Variants in ZNF654 observed in about 807,000 individuals in gnomAD.
ZNF654 encodes the protein zinc finger protein 654.
ZNF654 carries 19 observed loss-of-function variants against 95.3 expected under a neutral mutation model. The observed-to-expected ratio is 0.20, with a 90% CI of 0.14 to 0.29. ZNF654 has a LOEUF of 0.29. Ranked by LOEUF, ZNF654 falls within the 10% of genes least tolerant of loss-of-function variation. ZNF654 has a pLI of 1.00. For synonymous variants in ZNF654, 413 were observed against 457.9 expected (o/e 0.90, Z 1.25); for missense variants, 1,046 against 1,341.0 (o/e 0.78, Z 3.44).
chr3:88,143,867 T>C lies in ZNF654; in HGVS notation c.*2215T>C, dbSNP rs1707240100. ...CTCAAATAGCTATTGAAAGAATGTG[T>C]TCATTTTATTACATCTGTCTTTTAA... is the stretch of plus-strand genomic sequence containing the variant. On this transcript the variant is annotated 3_prime_UTR_variant, in exon 9 of 9. Coordinates refer to ENST00000636215, the MANE Select transcript of ZNF654 (RefSeq NM_001350134.2). 1 of 151,950 alleles carries C rather than the reference T, an allele frequency of 6.6e-6. No homozygotes were observed. The highest frequency in any genetic ancestry group is 2.4e-5 in the African/African-American group (1 of 41,430). 9.4% of individuals were successfully genotyped at this position (151,950 alleles called of 1,614,324 possible). A position where few individuals can be genotyped will look rare whatever the true frequency, so the allele number is the denominator to read the frequency against.
intron 2 of ZNF654, among the ~76,000 whole-genome samples, chr3:88,101,817 A>G (rs947128578): frequency 2.6e-5 from 4 of 152,028 alleles, no homozygotes; most frequent in Non-Finnish European, 5.9e-5. Context: ...TTACATCTTC[A>G]CTAATACTTT....
chr3:88,111,419 C>T (rs1486988098), intron 2 of ZNF654, among the ~76,000 whole-genome samples: 1 of 151,782 alleles, frequency 6.6e-6, no homozygotes, highest in African/African-American at 2.4e-5. Flanking sequence ...TGACCCCTCA[C>T]CTCCATTCCC....
At chr3:88,099,406 G>A (rs1704265015) in intron 2 of ZNF654, among the ~76,000 whole-genome samples, 1 of 152,134 alleles carries the variant, frequency 6.6e-6, no homozygotes, top group Non-Finnish European at 1.5e-5. Flanking sequence ...ACTGCCCAAG[G>A]TAATTTATAG....
chr3:88,080,734 G>A (rs1453969115), intron 1 of ZNF654, among the ~76,000 whole-genome samples: 1 of 152,294 alleles, frequency 6.6e-6, no homozygotes, highest in South Asian at 2.1e-4. Context: ...AAAAGTAAAT[G>A]TAGAAATCTG....
chr3:88,109,096 G>C (rs1704923152), intron 2 of ZNF654, among the ~76,000 whole-genome samples: 1 of 151,836 alleles, frequency 6.6e-6, no homozygotes, highest in African/African-American at 2.4e-5. Context: ...CATCCAGTGG[G>C]AGGGAAGGGG....
chr3:88,126,091 A>T, intron 3 of ZNF654, 43 bp from the exon 4 acceptor site: 1 of 1,415,068 alleles, frequency 7.1e-7, no homozygotes, highest in Non-Finnish European at 9.2e-7. Flanking sequence ...TTAGTTTTTA[A>T]CCCCTTTAAA....
At chr3:88,074,343 A>G (rs1205675992) in intron 1 of ZNF654, among the ~76,000 whole-genome samples, 1 of 53,908 alleles carries the variant, frequency 1.9e-5, no homozygotes, top group African/African-American at 4.3e-5. Flanking sequence ...TTTATATCTT[A>G]CTTTTTTTTT....
rs1166935980 is a variant in ZNF654 at position 88,070,796 on chromosome 3, G to A, written c.186+11291G>A. 9.2e-5 allele frequency among the ~76,000 whole-genome samples: 14 copies of A among 151,950 alleles called. No homozygotes were observed. The South Asian group carries it at 1.9e-3, about 20-fold the overall frequency. ...CTGTGAAATAAGTACTGTTTTTATC[G>A]TCATTTTATGAATGATGCAGCTGAG... On this transcript the variant is annotated intron_variant, in intron 1 of 8. Coordinates refer to ENST00000636215, the MANE Select transcript of ZNF654 (RefSeq NM_001350134.2).
At position 88,140,155 on chromosome 3, in the gene ZNF654, C is replaced by T; in HGVS notation, c.2486C>T (p.Pro829Leu). Residue 829 changes from proline to leucine, a missense_variant, in exon 8 of 9, where the codon CCG becomes CTG. Around this residue, in one of 9 missense-constraint regions of ZNF654, gnomAD observed 495 missense variants for 537.0 expected, o/e 0.92. Coordinates refer to ENST00000636215, the MANE Select transcript of ZNF654 (RefSeq NM_001350134.2). ...HFNCNESFKL[P>L]FQLAQHTKSH... Reference sequence around the variant, plus strand: ...AATTGCAACGAGTCGTTTAAGCTGCCGTTCCAGCTTGCCCAGCACACAAAA... The same window carrying T: ...AATTGCAACGAGTCGTTTAAGCTGCTGTTCCAGCTTGCCCAGCACACAAAA... 11 of 1,613,840 alleles carry T rather than the reference C, an allele frequency of 6.8e-6. No individual in the cohort carries two copies. Among genetic ancestry groups the T allele is most frequent in the Non-Finnish European group, 9.3e-6 (11 of 1,179,770 alleles).
intron 2 of ZNF654, among the ~76,000 whole-genome samples, chr3:88,103,474 A>G (rs1417300128): frequency 6.6e-6 from 1 of 152,216 alleles, no homozygotes; most frequent in Admixed American, 6.5e-5. Context: ...AGAGTGTCTA[A>G]GAATTTAGGA....
chr3:88,093,919 C>G (rs112693834), intron 2 of ZNF654, among the ~76,000 whole-genome samples: 1,581 of 152,238 alleles, frequency 0.01, 22 homozygotes, highest in African/African-American at 0.036. Context: ...TTGCCCATCT[C>G]CACAGCATCT....
chr3:88,063,815 T>G (rs13098157), intron 1 of ZNF654, among the ~76,000 whole-genome samples: 118,976 of 151,880 alleles, frequency 0.78, 47,524 homozygotes, highest in South Asian at 0.91. Context: ...TCTTTCTTAC[T>G]AGTCATCCTT....
intron 7 of ZNF654, among the ~76,000 whole-genome samples, chr3:88,136,969 C>T (rs1187776363): frequency 6.6e-6 from 1 of 151,896 alleles, no homozygotes; most frequent in Non-Finnish European, 1.5e-5. Flanking sequence ...CCGAGGTGGG[C>T]AGATCACTTG....
At chr3:88,135,379 G>A in intron 7 of ZNF654, 177 bp downstream of exon 7, 1 of 408,930 alleles carries the variant, frequency 2.4e-6, no homozygotes, top group Non-Finnish European at 4.2e-6. Flanking sequence ...AACATGGGAG[G>A]CTGATTTATT....
At chr3:88,079,913 C>T (rs143408417) in intron 1 of ZNF654, among the ~76,000 whole-genome samples, 37 of 151,984 alleles carry the variant, frequency 2.4e-4, no homozygotes, top group African/African-American at 8.7e-4. Context: ...AGATTTCACA[C>T]AAGTTTTAAC....
At chr3:88,114,900 T>A (rs1479391740) in intron 3 of ZNF654, among the ~76,000 whole-genome samples, 1 of 152,210 alleles carries the variant, frequency 6.6e-6, no homozygotes, top group Non-Finnish European at 1.5e-5. Context: ...TGACCAATAG[T>A]GATAAGTGAC....
intron 1 of ZNF654, among the ~76,000 whole-genome samples, chr3:88,071,285 G>A (rs1485833572): frequency 2.0e-5 from 3 of 152,072 alleles, no homozygotes; most frequent in Admixed American, 2.0e-4. Context: ...CAAGGTGGGC[G>A]GATCACCTGA....
chr3:88,077,056 C>A (rs1559694194), intron 1 of ZNF654, among the ~76,000 whole-genome samples: 1 of 152,126 alleles, frequency 6.6e-6, no homozygotes, highest in Non-Finnish European at 1.5e-5. Flanking sequence ...CATCCTCTCA[C>A]TGGTATTTTT....
In ZNF654 at chr3:88,140,527, T is replaced by C. The variant is rs1559738522; in HGVS notation, c.2858T>C (p.Ile953Thr). Residue 953 changes from isoleucine (I) to threonine (T), a missense_variant, in exon 8 of 9, where the codon ATA becomes ACA. Ile to Thr is a moderately conservative substitution (Grantham distance 89, BLOSUM62 -1). This residue lies in a region of ZNF654 where 495 missense variants were observed against 537.0 expected (regional missense o/e 0.92). Transcript: ENST00000636215. Reference sequence around the variant, plus strand: ...CGTTCTGATGACACTGTTTCAAATATAAGCTTGATAGACCAAAAGATGCCT... The same window carrying C: ...CGTTCTGATGACACTGTTTCAAATACAAGCTTGATAGACCAAAAGATGCCT... ...NERSDDTVSN[I>T]SLIDQKMPDI... 2.5e-6 allele frequency: 4 copies of C among 1,613,698 alleles called. No individual in the cohort carries two copies. The African/African-American group carries it at 4.0e-5, about 16-fold the overall frequency.
Sources: gnomAD v4.1 joint callset for allele counts (sites outside exome capture counted in the v4.1 genomes callset) on GRCh38, gnomAD v4.1.1 for gene constraint, gnomAD v4.1.1 regional missense constraint, MANE v1.5 for transcripts, NCBI Gene and HGNC (gene_info 2026-07-23, HGNC 2026-07-21) for gene names.